Variants in ATP6V0A4 observed in about 807,000 individuals in gnomAD.
ATP6V0A4 encodes the protein ATPase H+ transporting V0 subunit a4.
Under a neutral mutation model 107.3 loss-of-function variants are expected in ATP6V0A4, and 86 were observed. That is an observed-to-expected ratio of 0.80 (90% CI 0.67 to 0.96). The LOEUF (loss-of-function observed/expected upper bound fraction) is 0.96, where lower values mean the gene tolerates loss of function less well. Ranked by LOEUF, ATP6V0A4 falls within the 40% of genes least tolerant of loss-of-function variation. The pLI is 0.00. For synonymous variants in ATP6V0A4, 353 were observed against 381.4 expected (o/e 0.93, Z 0.87); for missense variants, 908 against 1,045.6 (o/e 0.87, Z 1.81).
chr7:138,726,419 G>A (rs907251001), intron 18 of ATP6V0A4, among the ~76,000 whole-genome samples: 1 of 152,218 alleles, frequency 6.6e-6, no homozygotes, highest in African/African-American at 2.4e-5. Context: ...TGGCCACAAG[G>A]GCTCTCGGAA....
intron 1 of ATP6V0A4, among the ~76,000 whole-genome samples, chr7:138,794,257 G>C (rs1489319275): frequency 6.6e-6 from 1 of 152,124 alleles, no homozygotes; most frequent in South Asian, 2.1e-4. Context: ...CACAGGCTTG[G>C]TTAGGGCCAC....
At chr7:138,710,285 G>T (rs531604758) in intron 20 of ATP6V0A4, among the ~76,000 whole-genome samples, 8 of 149,708 alleles carry the variant, frequency 5.3e-5, no homozygotes, top group African/African-American at 1.7e-4. Context: ...TCTACCTCCC[G>T]AGTTCAAGCA....
intron 5 of ATP6V0A4, among the ~76,000 whole-genome samples, chr7:138,768,579 C>T (rs186511180): frequency 6.6e-6 from 1 of 152,278 alleles, no homozygotes; most frequent in East Asian, 1.9e-4. Context: ...CAGCTGTCTC[C>T]AGATCAGCAG....
chr7:138,754,005 T>C (rs1806377388), intron 10 of ATP6V0A4, among the ~76,000 whole-genome samples: 1 of 152,092 alleles, frequency 6.6e-6, no homozygotes, highest in African/African-American at 2.4e-5. Context: ...TCATACTAAA[T>C]GTAAGCACAC....
chr7:138,749,136 T>C, intron 12 of ATP6V0A4, 31 bp downstream of exon 12: 1 of 1,613,150 alleles, frequency 6.2e-7, no homozygotes, highest in African/African-American at 1.3e-5. Context: ...ACTTTCAAGC[T>C]ACCCAGTCGT....
At position 138,773,945 on chromosome 7, in the gene ATP6V0A4, A is replaced by C. The variant is rs1807522573; in HGVS notation, c.-17-2681T>G. 2 of 152,422 alleles carry C rather than the reference A, an allele frequency of 1.3e-5. No individual in the cohort carries two copies. Among genetic ancestry groups the C allele is most frequent in the South Asian group, 4.1e-4 (2 of 4,828 alleles). The allele number at this position is 152,422 out of a possible 1,614,324, so 9.4% of individuals were successfully genotyped here. A position where few individuals can be genotyped will look rare whatever the true frequency, so the allele number is the denominator to read the frequency against. ...GCTTGCTAGCAGTCCTGGGCGGAGC[A>C]GCAGCCAGTGAATCCGCAGGTGGCT... On this transcript the variant is annotated intron_variant, in intron 2 of 21. Transcript: ENST00000310018. This position sits in a 1 kb window ranked among gnomAD's most constrained non-coding sequence, Gnocchi z 5.4.
intron 21 of ATP6V0A4, among the ~76,000 whole-genome samples, chr7:138,707,195 ATTATATAAT>A: frequency 1.4e-5 from 1 of 69,326 alleles, no homozygotes; most frequent in Non-Finnish European, 2.4e-5. Flanking sequence ...TATTATATAT[ATTATATAAT>A]ATATTATATT....
At chr7:138,797,215 T>C (rs950173767) in intron 1 of ATP6V0A4, among the ~76,000 whole-genome samples, 377 of 146,058 alleles carry the variant, frequency 2.6e-3, no homozygotes, top group African/African-American at 9.3e-3. Context: ...TTTCTTTTTT[T>C]TTTTTTTTTT....
At chr7:138,795,503 A>T (rs1353682450) in intron 1 of ATP6V0A4, among the ~76,000 whole-genome samples, 1 of 152,240 alleles carries the variant, frequency 6.6e-6, no homozygotes, top group Non-Finnish European at 1.5e-5. Context: ...TAGGAGGGAC[A>T]GGCTCTGCTC....
At chr7:138,712,563 T>C (rs1384007336) in intron 20 of ATP6V0A4, among the ~76,000 whole-genome samples, 3 of 152,138 alleles carry the variant, frequency 2.0e-5, no homozygotes, top group African/African-American at 4.8e-5. Context: ...CCAAAAGTGG[T>C]AGAAAAGGAA....
chr7:138,754,828 A>G (rs1806426765), intron 10 of ATP6V0A4, among the ~76,000 whole-genome samples: 1 of 152,134 alleles, frequency 6.6e-6, no homozygotes, highest in African/African-American at 2.4e-5. Context: ...GGGTTTCACC[A>G]GTTTGGTCAG....
At chr7:138,744,875 G>T (rs971787883) in intron 14 of ATP6V0A4, among the ~76,000 whole-genome samples, 26 of 151,872 alleles carry the variant, frequency 1.7e-4, no homozygotes, top group African/African-American at 5.3e-4. Flanking sequence ...GCTAATTTTT[G>T]TATTTTTAGT....
At position 138,747,566 on chromosome 7, in the gene ATP6V0A4, T is replaced by A; in HGVS notation, c.1181-2A>T. On this transcript the variant is annotated splice_acceptor_variant, in intron 12 of 21. Transcript: ENST00000310018. LOFTEE classifies it high-confidence loss of function. ...GGAAAGTGATGATGGTGTAGGGGGC[T>A]GCGGAGGGGAGACACACAACGCCTG... is the stretch of plus-strand genomic sequence containing the variant. 1 of 1,613,922 alleles carries A rather than the reference T, an allele frequency of 6.2e-7. No homozygotes were observed. Among genetic ancestry groups the A allele is most frequent in the Non-Finnish European group, 8.5e-7 (1 of 1,179,982 alleles).
intron 14 of ATP6V0A4, among the ~76,000 whole-genome samples, chr7:138,741,490 G>A (rs80057578): frequency 0.018 from 2,716 of 152,266 alleles, 90 homozygotes; most frequent in African/African-American, 0.062. Flanking sequence ...CTAAGCCATC[G>A]TGTCTCCTGC....
intron 21 of ATP6V0A4, among the ~76,000 whole-genome samples, chr7:138,707,770 T>C (rs1307711194): frequency 6.6e-6 from 1 of 150,702 alleles, no homozygotes; most frequent in Non-Finnish European, 1.5e-5. Flanking sequence ...CCCCTCCCCT[T>C]CATTTCCTCC....
chr7:138,789,299 G>C (rs548097919), intron 1 of ATP6V0A4, among the ~76,000 whole-genome samples: 9 of 152,106 alleles, frequency 5.9e-5, no homozygotes, highest in Non-Finnish European at 1.0e-4. Flanking sequence ...CCAGGCTGGA[G>C]TGCAGTGGTG....
At chr7:138,760,891 C>G (rs1022672432) in intron 7 of ATP6V0A4, among the ~76,000 whole-genome samples, 3 of 152,126 alleles carry the variant, frequency 2.0e-5, no homozygotes, top group Non-Finnish European at 4.4e-5. Context: ...TTTTGAATCA[C>G]CACATTATTT....
chr7:138,738,165 A>G (rs1474268214), intron 15 of ATP6V0A4, among the ~76,000 whole-genome samples: 1 of 152,218 alleles, frequency 6.6e-6, no homozygotes, highest in East Asian at 1.9e-4. Flanking sequence ...TCAAAATTCT[A>G]AATGTTACTA....
At chr7:138,720,584 T>C (rs1804378612) in intron 19 of ATP6V0A4, among the ~76,000 whole-genome samples, 1 of 152,172 alleles carries the variant, frequency 6.6e-6, no homozygotes, top group Non-Finnish European at 1.5e-5. Context: ...TACCTAGAAT[T>C]TTCTTGGGAA....
Sources: gnomAD v4.1 joint callset for allele counts (sites outside exome capture counted in the v4.1 genomes callset) on GRCh38, gnomAD v4.1.1 for gene constraint, Gnocchi (gnomAD v3.1) non-coding constraint, MANE v1.5 for transcripts, NCBI Gene and HGNC (gene_info 2026-07-23, HGNC 2026-07-21) for gene names.